The following ARFIP1 variants were observed in gnomAD, a reference collection of about 807,000 sequenced individuals.
ARFIP1 encodes arfaptin-1.
Under a neutral mutation model 42.5 loss-of-function variants are expected in ARFIP1, and 24 were observed. The ratio of observed to expected loss-of-function variants is 0.57; its 90% confidence interval spans 0.41 to 0.80. The LOEUF (loss-of-function observed/expected upper bound fraction) is 0.80, where lower values mean the gene tolerates loss of function less well. Ranked by LOEUF, ARFIP1 falls within the 30% of genes least tolerant of loss-of-function variation. ARFIP1 has a pLI of 0.00. For synonymous variants in ARFIP1, 141 were observed against 153.7 expected (o/e 0.92, Z 0.61); for missense variants, 354 against 434.0 (o/e 0.82, Z 1.64).
At chr4:152,859,614 A>C (rs952872270) in intron 2 of ARFIP1, among the ~76,000 whole-genome samples, 2 of 151,934 alleles carry the variant, frequency 1.3e-5, no homozygotes, top group Admixed American at 1.3e-4. Context: ...TCCTATCCCT[A>C]CTGAAGGTAC....
chr4:152,848,570 A>C (rs1252768371), intron 2 of ARFIP1, among the ~76,000 whole-genome samples: 1 of 152,228 alleles, frequency 6.6e-6, no homozygotes, highest in East Asian at 1.9e-4. Context: ...AATATCATAC[A>C]CTACGATCTG....
chr4:152,797,665 G>C (rs1473244502), intron 1 of ARFIP1, among the ~76,000 whole-genome samples: 1 of 152,006 alleles, frequency 6.6e-6, no homozygotes, highest in Non-Finnish European at 1.5e-5. Context: ...TTTACACATT[G>C]TTTAGTTTAT....
chr4:152,903,248 T>C (rs1318983019), intron 8 of ARFIP1, among the ~76,000 whole-genome samples: 1 of 152,208 alleles, frequency 6.6e-6, no homozygotes, highest in African/African-American at 2.4e-5. Flanking sequence ...TTGAGGATTG[T>C]TCATTATGTT....
At chr4:152,786,657 A>C (rs1417614345) in intron 1 of ARFIP1, among the ~76,000 whole-genome samples, 1 of 151,934 alleles carries the variant, frequency 6.6e-6, no homozygotes, top group Non-Finnish European at 1.5e-5. Flanking sequence ...TTGGATTATC[A>C]CTCTCCTTCT....
chr4:152,830,200 T>G (rs890173322), intron 2 of ARFIP1, among the ~76,000 whole-genome samples: 4 of 152,192 alleles, frequency 2.6e-5, no homozygotes, highest in Non-Finnish European at 5.9e-5. Flanking sequence ...AGTCGAAATT[T>G]AATTTTATTG....
intron 1 of ARFIP1, among the ~76,000 whole-genome samples, chr4:152,809,301 G>T (rs1027027922): frequency 1.1e-4 from 16 of 152,094 alleles, no homozygotes; most frequent in African/African-American, 3.6e-4. Flanking sequence ...ACTTGTAGAT[G>T]TGTATTCATA....
intron 2 of ARFIP1, among the ~76,000 whole-genome samples, chr4:152,855,143 C>G (rs916027095): frequency 3.3e-5 from 5 of 152,144 alleles, no homozygotes; most frequent in Admixed American, 3.3e-4. Context: ...GTGCATGCAA[C>G]TAGGTGCCAG....
chr4:152,786,658 C>A lies in ARFIP1; in HGVS notation c.-10+6432C>A, dbSNP rs556390722. Reference sequence around the variant, plus strand: ...TTTTGAAACACACATTGGATTATCACTCTCCTTCTTCCTCCCCCAGTGCTT... The same window carrying A: ...TTTTGAAACACACATTGGATTATCAATCTCCTTCTTCCTCCCCCAGTGCTT... On this transcript the variant is annotated intron_variant, in intron 1 of 8. Transcript: ENST00000353617. Among the ~76,000 whole-genome samples the A allele has an allele frequency of 2.6e-5, 4 of 152,312 alleles. No individual in the cohort carries two copies. In the South Asian group the frequency reaches 8.3e-4, roughly 32 times the overall value.
At chr4:152,883,345 C>T (rs1736000617) in intron 7 of ARFIP1, 2 of 152,396 alleles carry the variant, frequency 1.3e-5, no homozygotes, top group East Asian at 1.9e-4. Flanking sequence ...TCTATACTCT[C>T]GCCTAAATTT....
chr4:152,891,657 G>T (rs181375976), intron 8 of ARFIP1, among the ~76,000 whole-genome samples: 1 of 152,172 alleles, frequency 6.6e-6, no homozygotes, highest in East Asian at 1.9e-4. Context: ...TCTCTTTTAT[G>T]TGTGGTTGCC....
intron 1 of ARFIP1, among the ~76,000 whole-genome samples, chr4:152,818,248 C>T (rs1440762078): frequency 6.6e-6 from 1 of 152,188 alleles, no homozygotes; most frequent in Non-Finnish European, 1.5e-5. Flanking sequence ...CAGTAGCCTA[C>T]ACCATGAACC....
intron 2 of ARFIP1, among the ~76,000 whole-genome samples, chr4:152,853,936 A>G (rs1378087648): frequency 2.1e-5 from 2 of 94,782 alleles, no homozygotes; most frequent in African/African-American, 4.2e-5. Flanking sequence ...TTTGAGACTG[A>G]GTCTCACTCT....
intron 1 of ARFIP1, among the ~76,000 whole-genome samples, chr4:152,801,521 C>T (rs573931250): frequency 1.4e-4 from 21 of 152,150 alleles, no homozygotes; most frequent in Non-Finnish European, 2.6e-4. Context: ...AGTAATTATC[C>T]GGATTTCACC....
intron 8 of ARFIP1, among the ~76,000 whole-genome samples, chr4:152,909,351 T>G (rs1479603038): frequency 6.6e-6 from 1 of 152,072 alleles, no homozygotes; most frequent in East Asian, 1.9e-4. Flanking sequence ...TGCCACTGCA[T>G]AACAGCCTGG....
chr4:152,841,097 G>A (rs36099261), intron 2 of ARFIP1, among the ~76,000 whole-genome samples: 20,801 of 151,300 alleles, frequency 0.14, 1,508 homozygotes, highest in African/African-American at 0.18. Context: ...GTGCAGTGGC[G>A]TGATCTCGGC....
At chr4:152,792,509 A>G (rs1731199971) in intron 1 of ARFIP1, among the ~76,000 whole-genome samples, 1 of 152,264 alleles carries the variant, frequency 6.6e-6, no homozygotes, top group South Asian at 2.1e-4. Context: ...ACTTCAGACC[A>G]CCTGTTATAT....
chr4:152,809,793 T>C (rs555362588), intron 1 of ARFIP1: 2 of 152,362 alleles, frequency 1.3e-5, no homozygotes, highest in South Asian at 4.1e-4. Flanking sequence ...ATGCTAATTC[T>C]GCTTTTAAAG....
intron 2 of ARFIP1, among the ~76,000 whole-genome samples, chr4:152,856,610 TC>T (rs1733460808): frequency 6.6e-6 from 1 of 152,198 alleles, no homozygotes; most frequent in Non-Finnish European, 1.5e-5. Context: ...GACTTGAGCA[TC>T]CGCATGTATT....
chr4:152,794,044 C>G (rs948082079), intron 1 of ARFIP1, among the ~76,000 whole-genome samples: 1 of 152,030 alleles, frequency 6.6e-6, no homozygotes, highest in African/African-American at 2.4e-5. Flanking sequence ...TTTAGACTTG[C>G]GGAAGAGCTG....
Sources: allele counts gnomAD v4.1 joint callset (sites outside exome capture counted in the v4.1 genomes callset), GRCh38; gene constraint gnomAD v4.1.1; transcripts MANE v1.5; gene names NCBI Gene and HGNC (gene_info 2026-07-23, HGNC 2026-07-21).